BANK1: variants seen among roughly 807,000 people sequenced by gnomAD.
The protein encoded by BANK1 is B cell scaffold protein with ankyrin repeats 1, also known as B-cell scaffold protein with ankyrin repeats.
BANK1 carries 95 observed loss-of-function variants against 94.5 expected under a neutral mutation model. That is an observed-to-expected ratio of 1.00 (90% confidence interval 0.85 to 1.19). The LOEUF (loss-of-function observed/expected upper bound fraction) is 1.19, where lower values mean the gene tolerates loss of function less well. Among genes scored for constraint, BANK1 ranks in the 50% most tolerant of loss-of-function variants. The probability of loss-of-function intolerance (pLI) is 0.00; values close to 1 mark genes in which losing one functional copy is unlikely to be tolerated. For missense variants in BANK1, 987 were observed against 932.2 expected (o/e 1.06, Z -0.77); for synonymous variants, 334 against 308.4 (o/e 1.08, Z -0.87).
chr4:102,033,700 A>G (rs527914281), intron 10 of BANK1, among the ~76,000 whole-genome samples: 21 of 152,360 alleles, frequency 1.4e-4, no homozygotes, highest in African/African-American at 4.8e-4. Context: ...AATGATAACA[A>G]TATAATTTAC....
At chr4:101,970,311 A>G (rs1488604762) in intron 7 of BANK1, among the ~76,000 whole-genome samples, 6 of 152,302 alleles carry the variant, frequency 3.9e-5, no homozygotes, top group African/African-American at 7.2e-5. Context: ...AATGCAGACA[A>G]TAAATGGAAA....
chr4:101,873,946 A>G (rs910318067), intron 5 of BANK1, among the ~76,000 whole-genome samples: 1 of 152,188 alleles, frequency 6.6e-6, no homozygotes, highest in Admixed American at 6.5e-5. Flanking sequence ...AACAATATAA[A>G]AGGGAAATAA....
At position 102,025,266 on chromosome 4, in the gene BANK1, G is replaced by C; in HGVS notation, c.1351G>C (p.Glu451Gln). 1.9e-6 allele frequency: 3 copies of C among 1,614,146 alleles called. No homozygotes were observed. The highest frequency in any genetic ancestry group is 2.5e-6 in the Non-Finnish European group (3 of 1,180,020). Residue 451 changes from glutamate (E) to glutamine (Q), a missense_variant, in exon 9 of 17, where the codon GAG (glutamate) becomes CAG (glutamine). Coordinates refer to ENST00000322953, the MANE Select transcript of BANK1 (RefSeq NM_017935.5). ...KTYGQSADGA[E>Q]ANEMEGEGKQ... ...ATACGGGCAGAGTGCAGATGGAGCT[G>C]AGGCAAATGAAATGGAAGGGGAAGG...
chr4:101,911,692 G>A (rs1331652035), intron 6 of BANK1, among the ~76,000 whole-genome samples: 1 of 152,148 alleles, frequency 6.6e-6, no homozygotes, highest in African/African-American at 2.4e-5. Flanking sequence ...ATTCTTGTTT[G>A]TTGGACTAAG....
intron 11 of BANK1, among the ~76,000 whole-genome samples, chr4:102,049,893 G>A (rs1195464811): frequency 6.6e-6 from 1 of 152,132 alleles, no homozygotes; most frequent in Non-Finnish European, 1.5e-5. Context: ...ACTGGTAAGG[G>A]AAAAACACCT....
At chr4:101,979,439 G>T (rs1478787978) in intron 7 of BANK1, among the ~76,000 whole-genome samples, 1 of 151,816 alleles carries the variant, frequency 6.6e-6, no homozygotes, top group African/African-American at 2.4e-5. Flanking sequence ...TTGAAATGTT[G>T]CAAATGACTC....
At chr4:101,833,257 G>A (rs1726696622) in intron 2 of BANK1, among the ~76,000 whole-genome samples, 2 of 152,194 alleles carry the variant, frequency 1.3e-5, no homozygotes, top group African/African-American at 4.8e-5. Context: ...GGGACTACAG[G>A]CGTGAGCCAC....
At chr4:101,918,469 T>C (rs1560632790) in intron 7 of BANK1, among the ~76,000 whole-genome samples, 1 of 151,978 alleles carries the variant, frequency 6.6e-6, no homozygotes, top group African/African-American at 2.4e-5. Context: ...TTCTGTCTTA[T>C]GAAGGTTGAA....
chr4:102,030,902 A>G (rs1484190693), intron 10 of BANK1, among the ~76,000 whole-genome samples: 2 of 152,236 alleles, frequency 1.3e-5, no homozygotes, highest in Middle Eastern at 3.4e-3. Flanking sequence ...ATAAACATAC[A>G]TGTGCATGTG....
chr4:101,955,512 T>C (rs1164874550), intron 7 of BANK1, among the ~76,000 whole-genome samples: 2 of 152,150 alleles, frequency 1.3e-5, no homozygotes, highest in South Asian at 2.1e-4. Flanking sequence ...GCCACTTAAG[T>C]TGTTATTCCA....
At chr4:101,982,944 T>C (rs181431602) in intron 7 of BANK1, among the ~76,000 whole-genome samples, 1 of 152,114 alleles carries the variant, frequency 6.6e-6, no homozygotes, top group Admixed American at 6.6e-5. Flanking sequence ...TTCCCTAAAA[T>C]TTAATCTCTT....
Position 101,905,026 on chromosome 4 carries a change from C to T in BANK1, c.1009+9616C>T, listed in dbSNP as rs562162385. 2.6e-5 allele frequency among the ~76,000 whole-genome samples: 4 copies of T among 152,286 alleles called. No individual in the cohort carries two copies. In the South Asian group the frequency reaches 8.3e-4, roughly 32 times the overall value. The stretch of plus-strand genomic sequence containing the variant: ...CCTTGTTTATTTGTGCTTCCAAATC[C>T]TCCTGTTCGTTTAATTTCACTTTTT... On this transcript the variant is annotated intron_variant, in intron 6 of 16. Transcript: ENST00000322953.
chr4:101,830,341 A>G, intron 2 of BANK1, 135 bp downstream of exon 2: 1 of 706,440 alleles, frequency 1.4e-6, no homozygotes, highest in Non-Finnish European at 2.2e-6. Flanking sequence ...ATTTTATTCA[A>G]CAGTATGTTG....
chr4:101,903,168 C>T (rs940359920), intron 6 of BANK1, among the ~76,000 whole-genome samples: 1 of 152,202 alleles, frequency 6.6e-6, no homozygotes, highest in Non-Finnish European at 1.5e-5. Flanking sequence ...AAAACATTCT[C>T]AGCACCTTCA....
At chr4:101,938,875 A>T (rs1723655824) in intron 7 of BANK1, among the ~76,000 whole-genome samples, 1 of 151,582 alleles carries the variant, frequency 6.6e-6, no homozygotes, top group Non-Finnish European at 1.5e-5. Context: ...CATTCAGTCA[A>T]CTCTCATCTC....
intron 7 of BANK1, among the ~76,000 whole-genome samples, chr4:101,973,235 C>T (rs1290008024): frequency 6.6e-6 from 1 of 151,784 alleles, no homozygotes. Flanking sequence ...ATTAATAATT[C>T]ATAATACCAC....
chr4:102,029,903 A>G (rs1727229785), intron 9 of BANK1, 57 bp from the exon 10 acceptor site: 1 of 1,498,990 alleles, frequency 6.7e-7, no homozygotes, highest in Non-Finnish European at 8.9e-7. Flanking sequence ...ACAGATGGAC[A>G]CCAATAATGT....
At chr4:101,815,582 C>T (rs922113676) in intron 1 of BANK1, among the ~76,000 whole-genome samples, 1 of 152,028 alleles carries the variant, frequency 6.6e-6, no homozygotes, top group Non-Finnish European at 1.5e-5. Context: ...CAGAGATGTA[C>T]TGAAATTATT....
intron 2 of BANK1, among the ~76,000 whole-genome samples, chr4:101,837,477 T>C (rs1430998656): frequency 6.6e-6 from 1 of 152,232 alleles, no homozygotes; most frequent in African/African-American, 2.4e-5. Flanking sequence ...ACAAGGGTTT[T>C]ATTTTGTCCC....
Sources: allele counts gnomAD v4.1 joint callset (sites outside exome capture counted in the v4.1 genomes callset), GRCh38; gene constraint gnomAD v4.1.1; transcripts MANE v1.5; gene names NCBI Gene and HGNC (gene_info 2026-07-23, HGNC 2026-07-21).